MTUS2: variants seen among roughly 807,000 people sequenced by gnomAD.
MTUS2 encodes microtubule associated scaffold protein 2.
A neutral mutation model predicts 114.1 loss-of-function variants in MTUS2; 40 were observed. That is an observed-to-expected ratio of 0.35 (90% CI 0.27 to 0.46). MTUS2 has a LOEUF of 0.46. MTUS2 is among the 20% of genes least tolerant of loss of function. The pLI is 1.00. For missense variants in MTUS2, 1,679 were observed against 1,705.4 expected, an observed-to-expected ratio of 0.98 and a Z score of 0.27; for synonymous variants, 688 against 672.0, an observed-to-expected ratio of 1.02 and a Z score of -0.37.
rs199681977 is a variant in MTUS2 at position 29,501,224 on chromosome 13, G to A, written c.3896+30G>A. ...GTGGGCTGGGTGTCACCTACAAAGT[G>A]ACTTTCCTCTTGAGCTTCTTTTTGT... is the stretch of plus-strand genomic sequence containing the variant. On this transcript the variant is annotated intron_variant, in intron 15 of 15. Transcript: ENST00000612955. 5.2e-6 allele frequency: 8 copies of A among 1,548,962 alleles called. No individual in the cohort carries two copies. The African/African-American group carries it at 6.8e-5, about 13-fold the overall frequency.
At chr13:29,099,197 T>C (rs1490333749) in intron 4 of MTUS2, among the ~76,000 whole-genome samples, 1 of 152,210 alleles carries the variant, frequency 6.6e-6, no homozygotes, top group Non-Finnish European at 1.5e-5. Context: ...CATTACCACT[T>C]GTTAGTGTAT....
intron 5 of MTUS2, among the ~76,000 whole-genome samples, chr13:29,266,989 T>C (rs968094011): frequency 2.6e-5 from 4 of 152,168 alleles, no homozygotes; most frequent in Admixed American, 1.3e-4. Context: ...CGTTGAGTCA[T>C]CTGTGCTTCA....
At chr13:29,105,246 A>G (rs927721150) in intron 5 of MTUS2, among the ~76,000 whole-genome samples, 1 of 152,230 alleles carries the variant, frequency 6.6e-6, no homozygotes, top group Non-Finnish European at 1.5e-5. Flanking sequence ...TTAATCAGTA[A>G]TTAGGTATAG....
At chr13:29,469,147 A>G (rs1693074454) in intron 9 of MTUS2, among the ~76,000 whole-genome samples, 3 of 152,168 alleles carry the variant, frequency 2.0e-5, no homozygotes, top group Admixed American at 2.0e-4. Context: ...TGAAGCTCCC[A>G]TGGCTGGTGT....
At chr13:29,185,592 C>A (rs1039245079) in intron 5 of MTUS2, among the ~76,000 whole-genome samples, 1 of 152,042 alleles carries the variant, frequency 6.6e-6, no homozygotes, top group South Asian at 2.1e-4. Context: ...TTTCTCCCCC[C>A]CAAAAATCAT....
chr13:29,021,772 T>A (rs565137407), intron 2 of MTUS2, among the ~76,000 whole-genome samples: 1 of 152,358 alleles, frequency 6.6e-6, no homozygotes, highest in African/African-American at 2.4e-5. Flanking sequence ...AGAGAACATG[T>A]GTATCTTCAA....
intron 4 of MTUS2, among the ~76,000 whole-genome samples, chr13:29,054,330 TA>T (rs1396359173): frequency 2.0e-5 from 3 of 152,216 alleles, no homozygotes; most frequent in African/African-American, 7.2e-5. Context: ...TTTGTTTAGA[TA>T]TATCTTTTGA....
At chr13:28,966,373 A>AT (rs1224282182) in intron 2 of MTUS2, among the ~76,000 whole-genome samples, 1 of 152,122 alleles carries the variant, frequency 6.6e-6, no homozygotes. Context: ...AAATACTTAG[A>AT]TTTTGCACAA....
intron 6 of MTUS2, among the ~76,000 whole-genome samples, chr13:29,319,941 G>A (rs1174732978): frequency 6.6e-6 from 1 of 152,218 alleles, no homozygotes; most frequent in Non-Finnish European, 1.5e-5. Context: ...TTTTTGGTGA[G>A]TAAAAAGAGT....
chr13:28,999,157 C>G (rs978645977), intron 2 of MTUS2, among the ~76,000 whole-genome samples: 1 of 152,192 alleles, frequency 6.6e-6, no homozygotes, highest in Admixed American at 6.5e-5. Context: ...GAGGTCCACT[C>G]CAGACCCTGT....
chr13:29,075,113 C>T (rs868701138), intron 4 of MTUS2, among the ~76,000 whole-genome samples: 5 of 152,202 alleles, frequency 3.3e-5, no homozygotes, highest in Non-Finnish European at 5.9e-5. Flanking sequence ...ATCTGTGTGA[C>T]CTTTTATGTC....
At chr13:29,378,757 C>T (rs1871954102) in intron 8 of MTUS2, among the ~76,000 whole-genome samples, 1 of 152,242 alleles carries the variant, frequency 6.6e-6, no homozygotes, top group Middle Eastern at 3.4e-3. Context: ...CAGGCTGAGT[C>T]CTGGAGGACT....
At position 29,195,442 on chromosome 13, in the gene MTUS2, T is replaced by G. The variant is rs117186157; in HGVS notation, c.2645-86262T>G. On this transcript the variant is annotated intron_variant, in intron 5 of 15. Transcript: ENST00000612955. ...AATGTATTAGCTATTTTCGTAGTTA[T>G]GTGTTTTTGTAGACTAGTTTGAAAT... Among the ~76,000 whole-genome samples the G allele has an allele frequency of 6.8e-3, 1,025 of 151,526 alleles. 29 individuals are homozygous for G. Among genetic ancestry groups the G allele is most frequent in the Admixed American group, 0.048 (725 of 15,194 alleles).
chr13:29,120,115 G>T (rs1401485672), intron 5 of MTUS2, among the ~76,000 whole-genome samples: 2 of 152,146 alleles, frequency 1.3e-5, no homozygotes, highest in African/African-American at 4.8e-5. Flanking sequence ...GACGAAGATT[G>T]AAAAGGATAG....
intron 1 of MTUS2, among the ~76,000 whole-genome samples, chr13:28,822,816 A>G (rs1434617815): frequency 1.3e-5 from 2 of 152,234 alleles, no homozygotes; most frequent in Non-Finnish European, 2.9e-5. Context: ...ATTAACTTAT[A>G]AAATTGCCTA....
At chr13:29,148,974 A>G (rs1892558309) in intron 5 of MTUS2, among the ~76,000 whole-genome samples, 1 of 152,158 alleles carries the variant, frequency 6.6e-6, no homozygotes, top group Non-Finnish European at 1.5e-5. Flanking sequence ...GCTATTTTGA[A>G]TAATGCTGTA....
At chr13:28,904,915 C>T (rs1351748465) in intron 2 of MTUS2, among the ~76,000 whole-genome samples, 1 of 151,504 alleles carries the variant, frequency 6.6e-6, no homozygotes, top group South Asian at 2.1e-4. Context: ...TTGTTTGTAT[C>T]CTCTTTTATT....
chr13:28,878,235 A>G (rs7335020), intron 2 of MTUS2, among the ~76,000 whole-genome samples: 55 of 146,560 alleles, frequency 3.8e-4, no homozygotes, highest in African/African-American at 6.3e-4. Flanking sequence ...GTGTGTGTGT[A>G]TATATATGTA....
In MTUS2 at chr13:29,269,481, C is replaced by T. The variant is rs80270668; in HGVS notation, c.2645-12223C>T. 6.4e-3 allele frequency among the ~76,000 whole-genome samples: 982 copies of T among 152,250 alleles called. 13 individuals carry two copies. Among genetic ancestry groups the T allele is most frequent in the African/African-American group, 0.023 (935 of 41,544 alleles). Reference sequence around the variant, plus strand: ...TACGAAGCCAGAGTTAACATCAGCACATCCAAAATGAATACCACACCACAA... The same window carrying T: ...TACGAAGCCAGAGTTAACATCAGCATATCCAAAATGAATACCACACCACAA... On this transcript the variant is annotated intron_variant, in intron 5 of 15. Coordinates refer to ENST00000612955, the MANE Select transcript of MTUS2 (RefSeq NM_001033602.4).
Sources: gnomAD v4.1 joint callset for allele counts (sites outside exome capture counted in the v4.1 genomes callset) on GRCh38, gnomAD v4.1.1 for gene constraint, MANE v1.5 for transcripts, NCBI Gene and HGNC (gene_info 2026-07-23, HGNC 2026-07-21) for gene names.